Variants in MUC4 observed in about 807,000 individuals in gnomAD.
MUC4 encodes mucin-4.
A neutral mutation model predicts 257.9 loss-of-function variants in MUC4; 202 were observed. The ratio of observed to expected loss-of-function variants is 0.78; its 90% CI spans 0.70 to 0.88. MUC4 has a LOEUF of 0.88. Ranked by LOEUF, MUC4 falls within the 40% of genes least tolerant of loss-of-function variation. The pLI, the probability that MUC4 is intolerant of heterozygous loss-of-function variation, is 0.00. For missense variants in MUC4, 5,976 were observed against 6,513.7 expected, an observed-to-expected ratio of 0.92 and a Z score of 2.84; for synonymous variants, 2,351 against 2,757.1, an observed-to-expected ratio of 0.85 and a Z score of 4.62.
chr3:195,754,870 A>C (rs2641721), intron 18 of MUC4, among the ~76,000 whole-genome samples: 8 of 38,164 alleles, frequency 2.1e-4, no homozygotes, highest in African/African-American at 5.6e-4. Context: ...GATATGTATC[A>C]ATGTATGTAT....
intron 1 of MUC4, among the ~76,000 whole-genome samples, chr3:195,797,823 C>T (rs1340830603): frequency 6.6e-6 from 1 of 152,014 alleles, no homozygotes; most frequent in African/African-American, 2.4e-5. Context: ...TAATTGCATT[C>T]CAGCTGGGTG....
Position 195,786,981 on chromosome 3 carries a change from G to T in MUC4, c.4599C>A (p.Asp1533Glu), listed in dbSNP as rs763593228. The part of the protein sequence containing the change: ...VTSLSSASTG[D>E]TMPLPVTSPS... ...GGCTAGTGACAGGAAGAGGCATGGT[G>T]TCACCTGTGGATGCTGAGGAAAGGC... The change falls in exon 2 of 25, where the codon GAC (aspartate) becomes GAA (glutamate). Residue 1533 changes from aspartate (D) to glutamate (E), a missense_variant. Coordinates refer to ENST00000463781, the MANE Select transcript of MUC4 (RefSeq NM_018406.7). The T allele has an allele frequency of 3.3e-5, 45 of 1,377,282 alleles. 3 individuals are homozygous for T. The Middle Eastern group carries it at 7.8e-4, about 24-fold the overall frequency. 85.3% of individuals were successfully genotyped at this position (1,377,282 alleles called of 1,614,324 possible). A position where few individuals can be genotyped will look rare whatever the true frequency, so the allele number is the denominator to read the frequency against.
At position 195,811,735 on chromosome 3, in the gene MUC4, C is replaced by G; in HGVS notation, c.82+1G>C. On this transcript the variant is annotated splice_donor_variant, in intron 1 of 24. Coordinates refer to ENST00000463781, the MANE Select transcript of MUC4 (RefSeq NM_018406.7). LOFTEE classifies it high-confidence loss of function. ...CCTCATCTGCTGTCTCCATCACTTACCTGGGACCACATGCGGAAGGAGGCA... is the reference window on the plus strand; with the variant it reads ...CCTCATCTGCTGTCTCCATCACTTAGCTGGGACCACATGCGGAAGGAGGCA... 6.2e-7 allele frequency: 1 copy of G among 1,613,928 alleles called. No individual in the cohort carries two copies. The highest frequency in any genetic ancestry group is 8.5e-7 in the Non-Finnish European group (1 of 1,179,934).
chr3:195,767,630 TCACCACC>T (rs1560262806), intron 7 of MUC4, among the ~76,000 whole-genome samples: 57 of 26,684 alleles, frequency 2.1e-3, no homozygotes, highest in Non-Finnish European at 3.4e-3. Flanking sequence ...ATCACCACCA[TCACCACC>T]ACCATCGCCA....
chr3:195,765,152 A>G (rs1720149135), intron 9 of MUC4, 30 bp from the exon 10 acceptor site: 2 of 1,600,036 alleles, frequency 1.2e-6, no homozygotes, highest in African/African-American at 2.7e-5. Flanking sequence ...ACTCAGGCCC[A>G]GGCTGGGGCT....
intron 5 of MUC4, chr3:195,770,657 G>A: frequency 1.9e-6 from 1 of 515,540 alleles, no homozygotes; most frequent in Non-Finnish European, 3.5e-6. Flanking sequence ...AGAGAGCAGA[G>A]CCACTCGGGC....
At position 195,788,596 on chromosome 3, in the gene MUC4, A is replaced by C. The variant is rs1459571339; in HGVS notation, c.2984T>G (p.Val995Gly). 7 of 1,578,530 alleles carry C rather than the reference A, an allele frequency of 4.4e-6. No individual in the cohort carries two copies. Among genetic ancestry groups the C allele is most frequent in the Admixed American group, 3.8e-5 (2 of 53,132 alleles). The change falls in exon 2 of 25, where the codon GTC becomes GGC. Residue 995 changes from valine to glycine, a missense_variant. Physicochemically the swap from Val to Gly is moderately radical, Grantham distance 109. Transcript: ENST00000463781. ...TGTGGATACTGAGGAAGCATCGGTG[A>C]CATGAAGAGGGGTGGTGTGACCTGT... Reference protein sequence around the residue: ...ASTGHTTPLHVTDASSVSTGH... With the variant: ...ASTGHTTPLHGTDASSVSTGH...
In MUC4 at chr3:195,759,199, G is replaced by C; in HGVS notation, c.14911C>G (p.Leu4971Val). Residue 4971 changes from leucine to valine, a missense_variant, in exon 17 of 25, where the codon CTG (leucine) becomes GTG (valine). Transcript: ENST00000463781. ...VIEAYKGQTT[L>V]IQYTSNAEDA... The stretch of plus-strand genomic sequence containing the variant: ...TCAGCATTGCTGGTGTACTGAATCA[G>C]CGTGGTCTGCCCCTTGTAGGCTTCA... 1.2e-6 allele frequency: 2 copies of C among 1,614,122 alleles called. No individual in the cohort carries two copies. Among genetic ancestry groups the C allele is most frequent in the Non-Finnish European group, 1.7e-6 (2 of 1,180,014 alleles).
In MUC4 at chr3:195,785,112, A is replaced by G. The variant is rs200576215; in HGVS notation, c.6468T>C (p.Gly2156=). The change falls in exon 2 of 25, where the codon GGT becomes GGC. Residue 2156 remains glycine (G), a synonymous_variant. Coordinates refer to ENST00000463781, the MANE Select transcript of MUC4 (RefSeq NM_018406.7). The part of the protein sequence containing the change: ...PVTETSSVST[G]HATSLPVTDT... ...CGGTGACAGGAAGAGAGGTGGCGTG[A>G]CCTGTGGATACTGAGGAAGTTTCGG... is the stretch of plus-strand genomic sequence containing the variant. The G allele has an allele frequency of 3.2e-4, 377 of 1,160,842 alleles. 12 individuals are homozygous for G. The African/African-American group carries it at 4.7e-3, about 14-fold the overall frequency. The allele number at this position is 1,160,842 out of a possible 1,614,324, so 71.9% of individuals were successfully genotyped here.
rs1367555940 is a variant in MUC4 at position 195,782,077 on chromosome 3, G to A, written c.9503C>T (p.Pro3168Leu). 9.1e-6 allele frequency: 13 copies of A among 1,422,084 alleles called. No homozygotes were observed. Among genetic ancestry groups the A allele is most frequent in the African/African-American group, 1.5e-5 (1 of 68,630 alleles). The allele number at this position is 1,422,084 out of a possible 1,614,324, so 88.1% of individuals were successfully genotyped here. A position where few individuals can be genotyped will look rare whatever the true frequency, so the allele number is the denominator to read the frequency against. ...TSSASTGQAT[P>L]LPVTSLSSVS... ...TGAGGAAAGGCTGGTGACAGGAAGA[G>A]GGGTGGCCTGACCTGTGGATGCTGA... The change falls in exon 2 of 25, where the codon CCT becomes CTT. Residue 3168 changes from proline to leucine, a missense_variant. Pro to Leu is a moderately conservative substitution (Grantham distance 98). Coordinates refer to ENST00000463781, the MANE Select transcript of MUC4 (RefSeq NM_018406.7).
At chr3:195,768,976 C>A (rs1488009427) in intron 7 of MUC4, 46 bp downstream of exon 7, 7 of 1,588,348 alleles carry the variant, frequency 4.4e-6, no homozygotes, top group Non-Finnish European at 6.0e-6. Flanking sequence ...CGACTCTACA[C>A]CCCTCCCTGC....
chr3:195,796,742 A>T (rs1734627447), intron 1 of MUC4, among the ~76,000 whole-genome samples: 2 of 152,232 alleles, frequency 1.3e-5, no homozygotes, highest in South Asian at 4.1e-4. Flanking sequence ...AATGCAGGCT[A>T]AGATGAGTTT....
intron 7 of MUC4, among the ~76,000 whole-genome samples, chr3:195,767,684 C>CCACCACCA (rs1560263359): frequency 1.5e-3 from 2 of 1,310 alleles, no homozygotes; most frequent in African/African-American, 4.0e-3. Flanking sequence ...ACCACCATCA[C>CCACCACCA]TGGCCACCCC....
chr3:195,774,046 G>T (rs1365328795), intron 4 of MUC4, 126 bp downstream of exon 4: 2 of 1,261,964 alleles, frequency 1.6e-6, no homozygotes, highest in African/African-American at 3.1e-5. Flanking sequence ...TAAGGAGGCT[G>T]TGGGGATGGA....
At chr3:195,777,967 C>T (rs535124249) in intron 3 of MUC4, among the ~76,000 whole-genome samples, 1 of 151,756 alleles carries the variant, frequency 6.6e-6, no homozygotes, top group Non-Finnish European at 1.5e-5. Context: ...TGTTCCCGCC[C>T]TCCTCCCTGC....
chr3:195,794,229 A>G (rs1734261606), intron 1 of MUC4, among the ~76,000 whole-genome samples: 1 of 152,012 alleles, frequency 6.6e-6, no homozygotes, highest in Admixed American at 6.5e-5. Flanking sequence ...CGTGAATATT[A>G]CCTTAGCCTC....
Position 195,789,862 on chromosome 3 carries a change from G to A in MUC4, c.1718C>T (p.Thr573Ile). The A allele has an allele frequency of 1.9e-6, 3 of 1,614,012 alleles. No homozygotes were observed. The highest frequency in any genetic ancestry group is 2.5e-6 in the Non-Finnish European group (3 of 1,179,886). The change falls in exon 2 of 25, where the codon ACC (threonine) becomes ATC (isoleucine). Residue 573 changes from threonine (T) to isoleucine (I), a missense_variant. This residue lies in a region of MUC4 where 1,583 missense variants were observed against 1,257.4 expected (regional missense o/e 1.26). Transcript: ENST00000463781. ...AQTQWTQETG[T>I]TGEALLSSPS... ...GCTGCTGAGAAGAGCCTCTCCAGTG[G>A]TCCCCGTTTCTTGTGTCCATTGTGT...
chr3:195,754,802 G>GCGTGTATC (rs1717211018), intron 18 of MUC4, among the ~76,000 whole-genome samples: 1 of 151,428 alleles, frequency 6.6e-6, no homozygotes, highest in African/African-American at 2.4e-5. Flanking sequence ...ATGCATGTAT[G>GCGTGTATC]CATGTATGTA....
intron 1 of MUC4, among the ~76,000 whole-genome samples, chr3:195,808,309 AG>A (rs1427009877): frequency 3.3e-5 from 5 of 151,532 alleles, no homozygotes; most frequent in African/African-American, 1.2e-4. Flanking sequence ...TCTGCCTCCC[AG>A]GTTCAAGCCA....
Sources: gnomAD v4.1 joint callset for allele counts (sites outside exome capture counted in the v4.1 genomes callset) on GRCh38, gnomAD v4.1.1 for gene constraint, gnomAD v4.1.1 regional missense constraint, MANE v1.5 for transcripts, NCBI Gene and HGNC (gene_info 2026-07-23, HGNC 2026-07-21) for gene names.